CCDC170: variants seen among roughly 807,000 people sequenced by gnomAD.
CCDC170 encodes the protein coiled-coil domain-containing protein 170.
A neutral mutation model predicts 72.6 loss-of-function variants in CCDC170; 69 were observed. The ratio of observed to expected loss-of-function variants is 0.95; its 90% CI spans 0.78 to 1.16. The LOEUF is 1.16. Among genes scored for constraint, CCDC170 ranks in the 50% most tolerant of loss-of-function variants. CCDC170 has a pLI of 0.00. For missense variants in CCDC170, 852 were observed against 832.5 expected, an observed-to-expected ratio of 1.02 and a Z score of -0.29; for synonymous variants, 300 against 303.9, an observed-to-expected ratio of 0.99 and a Z score of 0.13.
chr6:151,570,998 A>G (rs1583031324), intron 5 of CCDC170, among the ~76,000 whole-genome samples: 1 of 152,204 alleles, frequency 6.6e-6, no homozygotes, highest in East Asian at 1.9e-4. Context: ...AGGCTTCTCT[A>G]ACTACATATC....
intron 4 of CCDC170, 89 bp from the exon 5 acceptor site, chr6:151,548,215 T>C: frequency 8.8e-7 from 1 of 1,135,150 alleles, no homozygotes; most frequent in South Asian, 2.8e-5. Flanking sequence ...ATTTTTCATA[T>C]GATAATGCAG....
chr6:151,514,823 GCTTCAGTCTCCATT>G (rs1452638075), intron 1 of CCDC170, among the ~76,000 whole-genome samples: 3 of 152,188 alleles, frequency 2.0e-5, no homozygotes, highest in Non-Finnish European at 4.4e-5. Flanking sequence ...GGAGCCTCTT[GCTTCAGTCTCCATT>G]CTTTTTGGAT....
Position 151,620,152 on chromosome 6 carries a change from T to C in CCDC170, c.*2005T>C, listed in dbSNP as rs900410939. The C allele has an allele frequency of 7.5e-6, 1 of 133,590 alleles. No individual in the cohort carries two copies. The highest frequency in any genetic ancestry group is 1.6e-5 in the Non-Finnish European group (1 of 62,886). The allele number at this position is 133,590 out of a possible 1,614,324, so 8.3% of individuals were successfully genotyped here. ...GGGAAAAAATAGTGAAGATCTTCTT[T>C]TAGGAAAACTACCAATAAATGTAGA... On this transcript the variant is annotated 3_prime_UTR_variant, in exon 11 of 11. Coordinates refer to ENST00000239374, the MANE Select transcript of CCDC170 (RefSeq NM_025059.4).
chr6:151,591,420 G>T (rs901668845), intron 7 of CCDC170, among the ~76,000 whole-genome samples: 17 of 152,058 alleles, frequency 1.1e-4, no homozygotes, highest in Non-Finnish European at 1.6e-4. Context: ...ACTGTAGACT[G>T]CTAAAATATG....
intron 5 of CCDC170, among the ~76,000 whole-genome samples, chr6:151,572,185 T>G (rs1051628686): frequency 8.5e-5 from 13 of 152,206 alleles, no homozygotes; most frequent in African/African-American, 2.9e-4. Context: ...TTCTTCTAAG[T>G]ATGATACTTT....
intron 9 of CCDC170, among the ~76,000 whole-genome samples, chr6:151,611,930 C>T (rs1055550634): frequency 1.3e-5 from 2 of 152,106 alleles, no homozygotes; most frequent in Non-Finnish European, 2.9e-5. Context: ...AGGCTGGTCT[C>T]GAACTCCTGA....
intron 1 of CCDC170, among the ~76,000 whole-genome samples, chr6:151,527,287 C>T (rs140205501): frequency 2.4e-4 from 37 of 152,014 alleles, no homozygotes; most frequent in African/African-American, 7.5e-4. Context: ...GTTTTTTCAC[C>T]GTACTTGATT....
At chr6:151,609,712 C>T (rs148309178) in intron 9 of CCDC170, among the ~76,000 whole-genome samples, 27 of 152,312 alleles carry the variant, frequency 1.8e-4, no homozygotes, top group East Asian at 7.7e-4. Flanking sequence ...AAGAAACCGA[C>T]TTAGTCCCAT....
chr6:151,615,430 C>A lies in CCDC170; in HGVS notation c.1711-13C>A. 1 of 1,581,414 alleles carries A rather than the reference C, an allele frequency of 6.3e-7. No individual in the cohort carries two copies. Among genetic ancestry groups the A allele is most frequent in the Non-Finnish European group, 8.7e-7 (1 of 1,152,000 alleles). ...ATACAAAAGGAGTTATCAGCATTCT[C>A]TTGACTTTCTAGATTAAAACTTTGG... On this transcript the variant is annotated splice_polypyrimidine_tract_variant and intron_variant, in intron 9 of 10. Transcript: ENST00000239374.
At chr6:151,514,440 A>G (rs1417921706) in intron 1 of CCDC170, among the ~76,000 whole-genome samples, 1 of 150,878 alleles carries the variant, frequency 6.6e-6, no homozygotes, top group Non-Finnish European at 1.5e-5. Context: ...AGCCTTCACA[A>G]AAATGCCAGT....
At chr6:151,526,519 CTTTTTT>C (rs577450833) in intron 1 of CCDC170, among the ~76,000 whole-genome samples, 1 of 131,660 alleles carries the variant, frequency 7.6e-6, no homozygotes. Context: ...CCCGCCTGGC[CTTTTTT>C]TTTTTTTTTG....
At chr6:151,548,100 C>A (rs190372813) in intron 4 of CCDC170, among the ~76,000 whole-genome samples, 3 of 152,242 alleles carry the variant, frequency 2.0e-5, no homozygotes, top group Admixed American at 6.5e-5. Flanking sequence ...TGCCTTGTGG[C>A]CACCTTTTGG....
At chr6:151,579,607 T>C (rs184514232) in intron 6 of CCDC170, among the ~76,000 whole-genome samples, 2 of 152,334 alleles carry the variant, frequency 1.3e-5, no homozygotes, top group East Asian at 3.9e-4. Context: ...GGGGTGAAGA[T>C]GCAAGAGAGA....
At chr6:151,608,389 G>T (rs1395162574) in intron 9 of CCDC170, among the ~76,000 whole-genome samples, 1 of 152,094 alleles carries the variant, frequency 6.6e-6, no homozygotes, top group Non-Finnish European at 1.5e-5. Context: ...CATGTGTCTT[G>T]TGTCCCTACA....
rs905529030 is a variant in CCDC170 at position 151,593,215 on chromosome 6, C to T, written c.1402C>T (p.Leu468=). Residue 468 remains leucine, a synonymous_variant, in exon 8 of 11, where the codon CTG becomes TTG. Coordinates refer to ENST00000239374, the MANE Select transcript of CCDC170 (RefSeq NM_025059.4). ...LDVVLARTEQ[L]VRLESNAVIE... Reference sequence around the variant, plus strand: ...CGTGGTTTTAGCTCGAACAGAGCAGCTGGTTCGTCTTGAGAGCAATGCAGT... The same window carrying T: ...CGTGGTTTTAGCTCGAACAGAGCAGTTGGTTCGTCTTGAGAGCAATGCAGT... 4.3e-6 allele frequency: 7 copies of T among 1,614,046 alleles called. No individual in the cohort carries two copies. Among genetic ancestry groups the T allele is most frequent in the East Asian group, 2.2e-5 (1 of 44,876 alleles).
rs766174672 is a variant in CCDC170 at position 151,494,137 on chromosome 6, G to C, written c.9G>C (p.Leu3=). The C allele has an allele frequency of 7.1e-5, 107 of 1,516,100 alleles. No homozygotes were observed. The African/African-American group carries it at 1.3e-3, about 18-fold the overall frequency. The allele number at this position is 1,516,100 out of a possible 1,614,324, so 93.9% of individuals were successfully genotyped here. Residue 3 remains leucine, a synonymous_variant, in exon 1 of 11, where the codon CTG becomes CTC. Coordinates refer to ENST00000239374, the MANE Select transcript of CCDC170 (RefSeq NM_025059.4). ...CCCGGGCTCGGGTCGTCATGAGCCT[G>C]GACTGCACCAGCCATATCGCGCTGG... is the stretch of plus-strand genomic sequence containing the variant. The part of the protein sequence containing the change: MS[L]DCTSHIALGA...
rs777534875 is a variant in CCDC170, at chr6:151,586,109, T to C, written c.1293+20T>C. On this transcript the variant is annotated intron_variant, in intron 7 of 10. Coordinates refer to ENST00000239374, the MANE Select transcript of CCDC170 (RefSeq NM_025059.4). ...CAAAAAGTAATGACCCGAGGGCATG[T>C]CCATGAGTGGAAGCATCTGTTGTAG... The C allele has an allele frequency of 6.2e-7, 1 of 1,610,596 alleles. No individual in the cohort carries two copies. The highest frequency in any genetic ancestry group is 2.2e-5 in the East Asian group (1 of 44,816).
At chr6:151,500,597 A>T (rs1331305436) in intron 1 of CCDC170, among the ~76,000 whole-genome samples, 1 of 152,114 alleles carries the variant, frequency 6.6e-6, no homozygotes, top group Non-Finnish European at 1.5e-5. Flanking sequence ...AATGTGTATC[A>T]GGCACATAAC....
chr6:151,497,746 C>T (rs900418923), intron 1 of CCDC170, among the ~76,000 whole-genome samples: 1 of 151,662 alleles, frequency 6.6e-6, no homozygotes, highest in African/African-American at 2.4e-5. Flanking sequence ...GAGGCTGAGG[C>T]GGGAGGCTCA....
Sources: gnomAD v4.1 joint callset for allele counts (sites outside exome capture counted in the v4.1 genomes callset) on GRCh38, gnomAD v4.1.1 for gene constraint, MANE v1.5 for transcripts, NCBI Gene and HGNC (gene_info 2026-07-23, HGNC 2026-07-21) for gene names.